PLCB4: variants seen among roughly 807,000 people sequenced by gnomAD.
PLCB4 encodes the protein phospholipase C beta 4, also known as 1-phosphatidylinositol 4,5-bisphosphate phosphodiesterase beta-4.
A neutral mutation model predicts 178.8 loss-of-function variants in PLCB4; 77 were observed. That is an observed-to-expected ratio of 0.43 (90% CI 0.36 to 0.52). The LOEUF (loss-of-function observed/expected upper bound fraction) is 0.52, where lower values mean the gene tolerates loss of function less well. Among genes scored for constraint, PLCB4 ranks in the 20% least tolerant of loss-of-function variants. The pLI is 0.00. For synonymous variants in PLCB4, 496 were observed against 490.8 expected, an observed-to-expected ratio of 1.01 and a Z score of -0.14; for missense variants, 1,024 against 1,453.4, an observed-to-expected ratio of 0.70 and a Z score of 4.80.
In PLCB4 at chr20:9,341,471, A is replaced by G. The variant is rs562662134; in HGVS notation, c.369+2434A>G. ...TAGAGAAAAAGCAAATGTTAATAAG[A>G]AAATCATAAGGAAGAAAAAATATAT... On this transcript the variant is annotated intron_variant, in intron 7 of 39. Coordinates refer to ENST00000378473, the MANE Select transcript of PLCB4 (RefSeq NM_001377142.1). Among the ~76,000 whole-genome samples the G allele has an allele frequency of 5.9e-5, 9 of 152,308 alleles. No individual in the cohort carries two copies. The South Asian group carries it at 1.9e-3, about 32-fold the overall frequency.
intron 3 of PLCB4, among the ~76,000 whole-genome samples, chr20:9,238,979 C>T (rs140703734): frequency 1.3e-5 from 2 of 152,198 alleles, no homozygotes; most frequent in Admixed American, 1.3e-4. Flanking sequence ...TAAGTTAAAT[C>T]TTCAGTCTTC....
intron 33 of PLCB4, among the ~76,000 whole-genome samples, chr20:9,455,921 C>T (rs866899870): frequency 4.6e-5 from 7 of 152,272 alleles, no homozygotes; most frequent in East Asian, 3.9e-4. Flanking sequence ...ATGCAACCTC[C>T]GCCTCCCAGG....
chr20:9,075,516 G>A (rs1385903436), intron 1 of PLCB4, among the ~76,000 whole-genome samples: 80 of 152,294 alleles, frequency 5.3e-4, no homozygotes, highest in Non-Finnish European at 2.1e-4. Flanking sequence ...CTGGAAGGCC[G>A]GTTTTTACCT....
chr20:9,433,203 G>A (rs529983651), intron 28 of PLCB4, among the ~76,000 whole-genome samples: 50 of 152,288 alleles, frequency 3.3e-4, no homozygotes, highest in South Asian at 1.7e-3. Flanking sequence ...GGAACTTAGC[G>A]TCACAAATGG....
At chr20:9,213,111 T>TTC (rs2093690046) in intron 2 of PLCB4, among the ~76,000 whole-genome samples, 1 of 145,758 alleles carries the variant, frequency 6.9e-6, no homozygotes, top group African/African-American at 2.6e-5. Context: ...TGTGCTTGGC[T>TTC]TCTCTCCGTT....
intron 25 of PLCB4, among the ~76,000 whole-genome samples, chr20:9,413,513 G>C (rs911397561): frequency 1.3e-5 from 2 of 151,934 alleles, no homozygotes; most frequent in African/African-American, 4.8e-5. Context: ...CAAAAAATTA[G>C]CCGGGCGTGG....
intron 3 of PLCB4, among the ~76,000 whole-genome samples, chr20:9,307,476 C>T (rs2094781983): frequency 6.8e-6 from 1 of 146,566 alleles, no homozygotes; most frequent in Admixed American, 6.9e-5. Flanking sequence ...CTGGTGCCTT[C>T]AGATTTTAAA....
intron 3 of PLCB4, among the ~76,000 whole-genome samples, chr20:9,301,594 G>A (rs1390456271): frequency 6.6e-6 from 1 of 152,004 alleles, no homozygotes; most frequent in East Asian, 1.9e-4. Flanking sequence ...CTCTTCCTTG[G>A]TTCACCCCAA....
chr20:9,168,724 T>G (rs1247118953), intron 2 of PLCB4, among the ~76,000 whole-genome samples: 1 of 152,194 alleles, frequency 6.6e-6, no homozygotes, highest in African/African-American at 2.4e-5. Flanking sequence ...GCAGTCAGTT[T>G]GCGAAGCTCA....
intron 24 of PLCB4, 88 bp downstream of exon 24, chr20:9,409,269 T>C: frequency 9.6e-7 from 1 of 1,042,744 alleles, no homozygotes; most frequent in Non-Finnish European, 1.4e-6. Flanking sequence ...GCTGTGGGCA[T>C]TTTTTAAAGG....
chr20:9,196,957 A>T (rs897899197), intron 2 of PLCB4, among the ~76,000 whole-genome samples: 2 of 152,252 alleles, frequency 1.3e-5, no homozygotes, highest in South Asian at 4.1e-4. Flanking sequence ...TAAGAGATGT[A>T]GGCAATGTAA....
chr20:9,262,695 A>G (rs535304865), intron 3 of PLCB4, among the ~76,000 whole-genome samples: 1 of 152,332 alleles, frequency 6.6e-6, no homozygotes, highest in Non-Finnish European at 1.5e-5. Flanking sequence ...GGATATGGAC[A>G]TGAACTATTT....
At chr20:9,246,118 A>G (rs1033905609) in intron 3 of PLCB4, among the ~76,000 whole-genome samples, 1 of 152,154 alleles carries the variant, frequency 6.6e-6, no homozygotes, top group African/African-American at 2.4e-5. Context: ...ACATTTATTC[A>G]TGTTATTACA....
chr20:9,477,046 A>G (rs1412442869), intron 39 of PLCB4, among the ~76,000 whole-genome samples: 5 of 152,212 alleles, frequency 3.3e-5, no homozygotes. Context: ...TGCAGCTGTC[A>G]TTTGGACTGA....
intron 4 of PLCB4, among the ~76,000 whole-genome samples, chr20:9,322,469 C>T (rs762884986): frequency 3.3e-5 from 5 of 152,118 alleles, no homozygotes; most frequent in African/African-American, 7.2e-5. Flanking sequence ...GCACTTGCTC[C>T]GAAATGCTGC....
intron 3 of PLCB4, among the ~76,000 whole-genome samples, chr20:9,268,987 A>G (rs917092851): frequency 3.3e-5 from 5 of 152,212 alleles, no homozygotes; most frequent in African/African-American, 1.2e-4. Flanking sequence ...CCATTGAGCA[A>G]GGTGGGTAAG....
At chr20:9,383,596 A>G (rs1010384565) in intron 13 of PLCB4, among the ~76,000 whole-genome samples, 1 of 152,228 alleles carries the variant, frequency 6.6e-6, no homozygotes, top group African/African-American at 2.4e-5. Context: ...CCACGTTTCA[A>G]TGACCACTGT....
chr20:9,459,878 A>C, intron 35 of PLCB4, 68 bp downstream of exon 35: 2 of 1,024,752 alleles, frequency 2.0e-6, no homozygotes, highest in South Asian at 3.0e-5. Flanking sequence ...TTGTGTGTAT[A>C]AGAGAGCCAA....
chr20:9,327,357 G>A (rs867694032), intron 4 of PLCB4, among the ~76,000 whole-genome samples: 2 of 152,036 alleles, frequency 1.3e-5, no homozygotes, highest in Non-Finnish European at 2.9e-5. Context: ...TGAGGCAGGA[G>A]GATTGCTTGA....
Sources: gnomAD v4.1 joint callset for allele counts (sites outside exome capture counted in the v4.1 genomes callset) on GRCh38, gnomAD v4.1.1 for gene constraint, MANE v1.5 for transcripts, NCBI Gene and HGNC (gene_info 2026-07-23, HGNC 2026-07-21) for gene names.